The following SCN8A variants were observed in gnomAD, a reference collection of about 807,000 sequenced individuals.
The protein encoded by SCN8A is sodium voltage-gated channel alpha subunit 8.
SCN8A carries 30 observed loss-of-function variants against 184.1 expected under a neutral mutation model. That is an observed-to-expected ratio of 0.16 (90% CI 0.12 to 0.22). The LOEUF is 0.22. Among genes scored for constraint, SCN8A ranks in the 10% least tolerant of loss-of-function variants. The pLI, the probability that SCN8A is intolerant of heterozygous loss-of-function variation, is 1.00. For synonymous variants in SCN8A, 852 were observed against 907.0 expected, an observed-to-expected ratio of 0.94 and a Z score of 1.09; for missense variants, 1,057 against 2,498.9, an observed-to-expected ratio of 0.42 and a Z score of 12.30.
intron 13 of SCN8A, among the ~76,000 whole-genome samples, chr12:51,750,122 C>T (rs1942573687): frequency 6.6e-6 from 1 of 152,122 alleles, no homozygotes. Context: ...TTGGAAATGA[C>T]CTTTGAGATC....
At chr12:51,716,536 G>A (rs1464306517) in intron 11 of SCN8A, among the ~76,000 whole-genome samples, 1 of 152,162 alleles carries the variant, frequency 6.6e-6, no homozygotes, top group Admixed American at 6.5e-5. Context: ...CTGCGGTAGG[G>A]TGGCTGCATG....
At chr12:51,616,634 A>G (rs1270127014) in intron 1 of SCN8A, among the ~76,000 whole-genome samples, 2 of 152,042 alleles carry the variant, frequency 1.3e-5, no homozygotes, top group Non-Finnish European at 2.9e-5. Flanking sequence ...AAAGTGTTTC[A>G]CTGGGTTGGG....
chr12:51,725,997 C>G (rs1295080970), intron 12 of SCN8A, among the ~76,000 whole-genome samples: 2 of 152,188 alleles, frequency 1.3e-5, no homozygotes, highest in Non-Finnish European at 2.9e-5. Flanking sequence ...CACAATATTC[C>G]TGCTTAGGCT....
intron 26 of SCN8A, among the ~76,000 whole-genome samples, chr12:51,796,408 A>G (rs567438110): frequency 6.6e-6 from 1 of 152,328 alleles, no homozygotes; most frequent in South Asian, 2.1e-4. Context: ...TGAGTGACAC[A>G]GAAAATCCAC....
chr12:51,615,582 G>A (rs1213351334), intron 1 of SCN8A, among the ~76,000 whole-genome samples: 1 of 151,846 alleles, frequency 6.6e-6, no homozygotes, highest in Non-Finnish European at 1.5e-5. Context: ...AAAAATGTTA[G>A]TACCGTGTAG....
At chr12:51,781,730 G>A (rs1027800978) in intron 21 of SCN8A, among the ~76,000 whole-genome samples, 1 of 27,360 alleles carries the variant, frequency 3.7e-5, no homozygotes, top group Non-Finnish European at 2.4e-4. Flanking sequence ...GGTAATAGTT[G>A]TCCTGTGGTG....
At chr12:51,677,857 A>T (rs553503131) in intron 2 of SCN8A, among the ~76,000 whole-genome samples, 1 of 152,338 alleles carries the variant, frequency 6.6e-6, no homozygotes, top group African/African-American at 2.4e-5. Context: ...CAGTAACCGC[A>T]ATCCAATTTC....
intron 1 of SCN8A, among the ~76,000 whole-genome samples, chr12:51,602,661 G>C (rs1252249039): frequency 6.6e-6 from 1 of 152,110 alleles, no homozygotes; most frequent in Admixed American, 6.6e-5. Flanking sequence ...ACAAAAAATA[G>C]AGTATGGATG....
At chr12:51,786,090 C>G (rs1010169667) in intron 21 of SCN8A, among the ~76,000 whole-genome samples, 1 of 152,158 alleles carries the variant, frequency 6.6e-6, no homozygotes, top group South Asian at 2.1e-4. Context: ...AACTGGCTCT[C>G]TATTAACCAC....
intron 1 of SCN8A, among the ~76,000 whole-genome samples, chr12:51,646,901 T>A (rs1387207522): frequency 6.6e-6 from 1 of 152,200 alleles, no homozygotes. Flanking sequence ...GCTATATGGA[T>A]GTATGTACAA....
At chr12:51,733,088 T>C (rs2138804015) in intron 12 of SCN8A, among the ~76,000 whole-genome samples, 1 of 152,332 alleles carries the variant, frequency 6.6e-6, no homozygotes, top group African/African-American at 2.4e-5. Context: ...CCTCCAGTAC[T>C]ATGTTGAGTA....
At chr12:51,600,488 C>CA (rs1480607333) in intron 1 of SCN8A, among the ~76,000 whole-genome samples, 9 of 152,168 alleles carry the variant, frequency 5.9e-5, no homozygotes, top group Admixed American at 1.3e-4. Flanking sequence ...AAGGCCTTAT[C>CA]AGCCAGTGAT....
chr12:51,649,941 C>T (rs1358436688), intron 1 of SCN8A, among the ~76,000 whole-genome samples: 2 of 152,210 alleles, frequency 1.3e-5, no homozygotes, highest in Non-Finnish European at 2.9e-5. Flanking sequence ...CTCTCAGCTT[C>T]CCTTATAAAA....
At chr12:51,686,546 A>G (rs1565886754) in intron 4 of SCN8A, 89 bp downstream of exon 4, 1 of 831,468 alleles carries the variant, frequency 1.2e-6, no homozygotes, top group Non-Finnish European at 2.0e-6. Flanking sequence ...CATCAAGGAG[A>G]AAAAAAATTA....
intron 14 of SCN8A, 35 bp from the exon 15 acceptor site, chr12:51,762,467 AT>A (rs1254331000): frequency 6.3e-7 from 1 of 1,584,924 alleles, no homozygotes; most frequent in Non-Finnish European, 8.6e-7. Flanking sequence ...TCTTTCTACT[AT>A]TTATTTTTCT....
chr12:51,626,801 TTAAA>T (rs1480546545), intron 1 of SCN8A, among the ~76,000 whole-genome samples: 2 of 150,332 alleles, frequency 1.3e-5, no homozygotes, highest in African/African-American at 4.9e-5. Context: ...TTTATTTATA[TTAAA>T]TTATTAATTG....
At chr12:51,726,475 A>G (rs911166563) in intron 12 of SCN8A, among the ~76,000 whole-genome samples, 3 of 152,236 alleles carry the variant, frequency 2.0e-5, no homozygotes, top group African/African-American at 7.2e-5. Context: ...CAGTAGAGTT[A>G]GGACTGAATC....
intron 1 of SCN8A, among the ~76,000 whole-genome samples, chr12:51,591,761 C>G (rs1169569010): frequency 6.6e-6 from 1 of 152,080 alleles, no homozygotes; most frequent in Non-Finnish European, 1.5e-5. Context: ...GCAGCGCTGT[C>G]GGGATCTTCC....
rs1353835670 is a variant in SCN8A, at chr12:51,774,503, A to G, written c.3819+141A>G. On this transcript the variant is annotated intron_variant, in intron 20 of 26. Transcript: ENST00000627620. ...TGTAGGTGTGGGTAAAGTTCCTTTCATAGCACTGAGATCTTCATATTAGGA... is the reference window on the plus strand; with the variant it reads ...TGTAGGTGTGGGTAAAGTTCCTTTCGTAGCACTGAGATCTTCATATTAGGA... 3.3e-5 allele frequency: 25 copies of G among 762,166 alleles called. 1 individual carries two copies. The highest frequency in any genetic ancestry group is 4.6e-5 in the Non-Finnish European group (22 of 483,318). The allele number at this position is 762,166 out of a possible 1,614,324, so 47.2% of individuals were successfully genotyped here. A position where few individuals can be genotyped will look rare whatever the true frequency, so the allele number is the denominator to read the frequency against.
Sources: allele counts gnomAD v4.1 joint callset (sites outside exome capture counted in the v4.1 genomes callset), GRCh38; gene constraint gnomAD v4.1.1; transcripts MANE v1.5; gene names NCBI Gene and HGNC (gene_info 2026-07-23, HGNC 2026-07-21).